STK24: variants seen among roughly 807,000 people sequenced by gnomAD.
STK24 encodes the protein serine/threonine kinase 24.
A neutral mutation model predicts 55.6 loss-of-function variants in STK24; 21 were observed. That is an observed-to-expected ratio of 0.38 (90% CI 0.27 to 0.54). The LOEUF is 0.54. STK24 is among the 20% of genes least tolerant of loss of function. STK24 has a pLI of 0.79. For synonymous variants in STK24, 200 were observed against 215.2 expected, an observed-to-expected ratio of 0.93 and a Z score of 0.62; for missense variants, 383 against 538.4, an observed-to-expected ratio of 0.71 and a Z score of 2.86.
chr13:98,447,012 T>C lies in STK24; in HGVS notation c.*6161A>G. On this transcript the variant is annotated 3_prime_UTR_variant, in exon 11 of 11. Transcript: ENST00000539966. ...GCAGAAAGTGGGGTCCCAACTTCCC[T>C]GCGCCCTTACCCTGCACGGTGTTGG... 1 of 589,340 alleles carries C rather than the reference T, an allele frequency of 1.7e-6. No individual in the cohort carries two copies. Among genetic ancestry groups the C allele is most frequent in the Non-Finnish European group, 3.0e-6 (1 of 333,228 alleles). 36.5% of individuals were successfully genotyped at this position (589,340 alleles called of 1,614,324 possible).
intron 1 of STK24, among the ~76,000 whole-genome samples, chr13:98,574,776 TA>T (rs1897837108): frequency 6.6e-6 from 1 of 151,986 alleles, no homozygotes; most frequent in Non-Finnish European, 1.5e-5. Flanking sequence ...AACAGATACA[TA>T]ATAGTTGAGA....
chr13:98,529,845 G>C (rs560639744), intron 1 of STK24, among the ~76,000 whole-genome samples: 1 of 152,086 alleles, frequency 6.6e-6, no homozygotes. Context: ...ATGATGCTGG[G>C]AACTACAGAG....
In STK24 at chr13:98,469,028, C is replaced by T. The variant is rs17655129; in HGVS notation, c.598-2467G>A. 9.1e-3 allele frequency among the ~76,000 whole-genome samples: 1,391 copies of T among 152,340 alleles called. 52 individuals are homozygous for T. Among genetic ancestry groups the T allele is most frequent in the Admixed American group, 0.061 (930 of 15,302 alleles). The stretch of plus-strand genomic sequence containing the variant: ...AAGCCGATCTCTGCTGAGAGTACGT[C>T]GGTGATGCGCTTGCCTTGATTTTAC... On this transcript the variant is annotated intron_variant, in intron 5 of 10. Coordinates refer to ENST00000539966, the MANE Select transcript of STK24 (RefSeq NM_001032296.4).
rs774776414 is a variant in STK24 at position 98,453,186 on chromosome 13, G to C, written c.1283C>G (p.Thr428Ser). The C allele has an allele frequency of 1.2e-5, 20 of 1,613,632 alleles. No individual in the cohort carries two copies. Among genetic ancestry groups the C allele is most frequent in the Non-Finnish European group, 1.7e-5 (20 of 1,179,818 alleles). Residue 428 changes from threonine (T) to serine (S), a missense_variant, in exon 11 of 11, where the codon ACT (threonine) becomes AGT (serine). Transcript: ENST00000539966. Reference protein sequence around the residue: ...LQRYSLSGGGTSSH With the variant: ...LQRYSLSGGGSSSH Reference sequence around the variant, plus strand: ...GCCAAAGGAATTTCAGTGGGATGAAGTTCCTCCACCACTTAGAGAGTATCT... The same window carrying C: ...GCCAAAGGAATTTCAGTGGGATGAACTTCCTCCACCACTTAGAGAGTATCT...
intron 1 of STK24, among the ~76,000 whole-genome samples, chr13:98,547,204 G>A (rs898382611): frequency 2.6e-5 from 4 of 151,884 alleles, no homozygotes; most frequent in East Asian, 3.9e-4. Context: ...GAGCCACCGC[G>A]CCCAGCTATC....
chr13:98,506,025 CA>C (rs975521811), intron 2 of STK24, among the ~76,000 whole-genome samples: 141 of 152,158 alleles, frequency 9.3e-4, no homozygotes, highest in African/African-American at 3.3e-3. Context: ...GATAGCCAAT[CA>C]AAAAAGGAGA....
intron 1 of STK24, among the ~76,000 whole-genome samples, chr13:98,538,222 CTTTT>C (rs55720452): frequency 2.2e-5 from 2 of 91,634 alleles, no homozygotes; most frequent in East Asian, 3.6e-4. Flanking sequence ...TTGGTGCTTG[CTTTT>C]TTTTTTTTTT....
chr13:98,562,058 AATC>A (rs948029970), intron 1 of STK24, among the ~76,000 whole-genome samples: 1 of 152,086 alleles, frequency 6.6e-6, no homozygotes, highest in African/African-American at 2.4e-5. Context: ...ACAGTAAAAC[AATC>A]ATCATGAAAA....
rs192413002 is a variant in STK24 at position 98,519,631 on chromosome 13, G to T, written c.43-158C>A. ...GGCTGGTGGTGACCACAGCTCTGCA[G>T]GTTCAGGACATAAGATTCCTAGGTC... On this transcript the variant is annotated intron_variant, in intron 1 of 10. Transcript: ENST00000539966. 2.0e-5 allele frequency among the ~76,000 whole-genome samples: 3 copies of T among 152,270 alleles called. No individual in the cohort carries two copies. In the East Asian group the frequency reaches 5.8e-4, roughly 29 times the overall value.
At chr13:98,469,445 AG>A (rs1894052307) in intron 5 of STK24, among the ~76,000 whole-genome samples, 1 of 151,846 alleles carries the variant, frequency 6.6e-6, no homozygotes, top group Non-Finnish European at 1.5e-5. Flanking sequence ...GCTACTTGGG[AG>A]GCTGAGGCAG....
chr13:98,503,218 A>AG (rs200451648), intron 2 of STK24, among the ~76,000 whole-genome samples: 3,554 of 152,192 alleles, frequency 0.023, 139 homozygotes, highest in African/African-American at 0.081. Context: ...CACATTCAGT[A>AG]GACTGTTACC....
In STK24 at chr13:98,457,178, G is replaced by T; in HGVS notation, c.1249C>A (p.Arg417=). 6.2e-7 allele frequency: 1 copy of T among 1,610,636 alleles called. No individual in the cohort carries two copies. ...SDTMVAQLVQ[R]LQRYSLSGGG... ...GCCCTGGGTAGTTACCTCTGGAGCCGCTGCACGAGCTGGGCCACCATGGTG... is the reference window on the plus strand; with the variant it reads ...GCCCTGGGTAGTTACCTCTGGAGCCTCTGCACGAGCTGGGCCACCATGGTG... Residue 417 remains arginine, a synonymous_variant, in exon 10 of 11, where the codon CGG becomes AGG. Transcript: ENST00000539966.
At chr13:98,461,682 C>A in intron 8 of STK24, 92 bp downstream of exon 8, 2 of 1,557,118 alleles carry the variant, frequency 1.3e-6, no homozygotes, top group Non-Finnish European at 1.8e-6. Flanking sequence ...ACAAAGGACC[C>A]CAGCCGCACC....
intron 10 of STK24, 100 bp from the exon 11 acceptor site, chr13:98,453,309 C>T (rs1225733980): frequency 5.1e-5 from 63 of 1,234,036 alleles, no homozygotes; most frequent in Non-Finnish European, 5.4e-5. Flanking sequence ...TAAGAAATTC[C>T]AAGTCATACA....
intron 8 of STK24, among the ~76,000 whole-genome samples, chr13:98,461,242 G>A (rs1293831274): frequency 6.6e-6 from 1 of 152,138 alleles, no homozygotes; most frequent in Non-Finnish European, 1.5e-5. Flanking sequence ...ACAGGGGACA[G>A]CCACTGGCCC....
intron 2 of STK24, among the ~76,000 whole-genome samples, chr13:98,504,465 C>T (rs746825554): frequency 2.6e-5 from 4 of 152,210 alleles, no homozygotes; most frequent in Non-Finnish European, 5.9e-5. Flanking sequence ...AACACTAGCA[C>T]GAGACTCAGG....
At chr13:98,504,491 C>T (rs1895610390) in intron 2 of STK24, among the ~76,000 whole-genome samples, 1 of 152,236 alleles carries the variant, frequency 6.6e-6, no homozygotes. Flanking sequence ...GTGACCACCA[C>T]AGTGGTTAAC....
At chr13:98,514,363 G>C (rs1367606033) in intron 2 of STK24, among the ~76,000 whole-genome samples, 1 of 152,146 alleles carries the variant, frequency 6.6e-6, no homozygotes, top group Non-Finnish European at 1.5e-5. Flanking sequence ...GGGGACCACA[G>C]AAAAAACAAT....
rs1433898885 is a variant in STK24, at chr13:98,447,325, G to A, written c.*5848C>T. The A allele has an allele frequency of 6.5e-6, 1 of 153,376 alleles. No homozygotes were observed. Among genetic ancestry groups the A allele is most frequent in the Non-Finnish European group, 1.5e-5 (1 of 68,934 alleles). The allele number at this position is 153,376 out of a possible 1,614,324, so 9.5% of individuals were successfully genotyped here. A position where few individuals can be genotyped will look rare whatever the true frequency, so the allele number is the denominator to read the frequency against. On this transcript the variant is annotated 3_prime_UTR_variant, in exon 11 of 11. Coordinates refer to ENST00000539966, the MANE Select transcript of STK24 (RefSeq NM_001032296.4). ...GAAGGGGAGGGGTCCTCAGCAATATGCTGAGCACCTCCTAAACAACATCAC... is the reference window on the plus strand; with the variant it reads ...GAAGGGGAGGGGTCCTCAGCAATATACTGAGCACCTCCTAAACAACATCAC...
Sources: allele counts gnomAD v4.1 joint callset (sites outside exome capture counted in the v4.1 genomes callset), GRCh38; gene constraint gnomAD v4.1.1; transcripts MANE v1.5; gene names NCBI Gene and HGNC (gene_info 2026-07-23, HGNC 2026-07-21).